Variants in SMG1 observed in about 807,000 individuals in gnomAD.
The protein encoded by SMG1 is SMG1 nonsense mediated mRNA decay associated PI3K related kinase.
SMG1 carries 22 observed loss-of-function variants against 419.9 expected under a neutral mutation model. The ratio of observed to expected loss-of-function variants is 0.05; its 90% confidence interval spans 0.04 to 0.07. The LOEUF (loss-of-function observed/expected upper bound fraction) is 0.07, where lower values mean the gene tolerates loss of function less well. Among genes scored for constraint, SMG1 ranks in the 10% least tolerant of loss-of-function variants. SMG1 has a pLI of 1.00. For missense variants in SMG1, 3,185 were observed against 4,342.0 expected (o/e 0.73, Z 7.49); for synonymous variants, 1,538 against 1,553.5 (o/e 0.99, Z 0.23).
At chr16:18,837,694 A>G (rs2033663640) in intron 45 of SMG1, among the ~76,000 whole-genome samples, 1 of 152,216 alleles carries the variant, frequency 6.6e-6, no homozygotes, top group African/African-American at 2.4e-5. Flanking sequence ...ATCCCTGGCT[A>G]CCAGATAGGG....
At chr16:18,890,688 T>C (rs184276897) in intron 5 of SMG1, among the ~76,000 whole-genome samples, 175 bp downstream of exon 5, 16 of 152,292 alleles carry the variant, frequency 1.1e-4, no homozygotes, top group African/African-American at 3.8e-4. Flanking sequence ...TGGATTCCAT[T>C]TGTATTCAAC....
rs528389663 is a variant in SMG1 at position 18,831,595 on chromosome 16, A to T, written c.8793-1226T>A. Among the ~76,000 whole-genome samples the T allele has an allele frequency of 8.4e-4, 127 of 151,974 alleles. 2 individuals carry two copies. The South Asian group carries it at 0.026, about 31-fold the overall frequency. On this transcript the variant is annotated intron_variant, in intron 51 of 62. Transcript: ENST00000446231. ...TAATCTAATATTTATGCTATTAATG[A>T]TTATACTTTTTCTAGCCGGGCATGG... is the stretch of plus-strand genomic sequence containing the variant.
intron 3 of SMG1, among the ~76,000 whole-genome samples, chr16:18,893,630 A>C (rs996996042): frequency 3.2e-5 from 4 of 125,932 alleles, no homozygotes; most frequent in Admixed American, 2.2e-4. Flanking sequence ...AAAACAAAAC[A>C]AAAAAAAACC....
At chr16:18,857,808 TC>T (rs1279341127) in intron 29 of SMG1, 1 of 164,860 alleles carries the variant, frequency 6.1e-6, no homozygotes, top group East Asian at 1.8e-4. Context: ...AGGATTGTAT[TC>T]CTGATACATG....
chr16:18,910,901 G>A (rs958978536), intron 1 of SMG1, among the ~76,000 whole-genome samples: 28 of 152,018 alleles, frequency 1.8e-4, no homozygotes, highest in African/African-American at 5.1e-4. Flanking sequence ...GCAATTCATC[G>A]TTCAACTGGT....
chr16:18,864,036 C>T lies in SMG1; in HGVS notation c.3459G>A (p.Gly1153=), dbSNP rs1197760104. 18 of 1,550,036 alleles carry T rather than the reference C, an allele frequency of 1.2e-5. No homozygotes were observed. The highest frequency in any genetic ancestry group is 9.6e-5 in the African/African-American group (7 of 73,068). Residue 1153 remains glycine, a synonymous_variant, in exon 24 of 63, where the codon GGG becomes GGA. Transcript: ENST00000446231. ...AATGTTTCGGGCTGGCACTGTTACG[C>T]CCAGCATTGGCTAAGGTGAGCACCG... ...DKSVLTLANA[G]RNSASPKHSL...
At chr16:18,818,203 T>C (rs1280791587) in intron 56 of SMG1, among the ~76,000 whole-genome samples, 1 of 151,934 alleles carries the variant, frequency 6.6e-6, no homozygotes, top group Non-Finnish European at 1.5e-5. Context: ...GCCAACATGG[T>C]GAAACCCCGT....
chr16:18,845,469 T>G lies in SMG1; in HGVS notation c.6179A>C (p.Asn2060Thr). 1.2e-6 allele frequency: 2 copies of G among 1,613,988 alleles called. No individual in the cohort carries two copies. The highest frequency in any genetic ancestry group is 1.7e-6 in the Non-Finnish European group (2 of 1,179,890). Residue 2060 changes from asparagine (N) to threonine (T), a missense_variant, in exon 39 of 63, where the codon AAC (asparagine) becomes ACC (threonine). Asn to Thr is a moderately conservative substitution (Grantham distance 65). Around this residue, in one of 27 missense-constraint regions of SMG1, gnomAD observed 159 missense variants for 196.0 expected, o/e 0.81. Transcript: ENST00000446231. ...CCAGCTGCTCCCAGGCTTTGCAGGG[T>G]TCAATGGAGTCTTCAGTTTTTCTAG... The part of the protein sequence containing the change: ...NALEKLKTPL[N>T]PAKPGSSWIP...
At chr16:18,831,203 CACAG>C in intron 51 of SMG1, among the ~76,000 whole-genome samples, 1 of 152,286 alleles carries the variant, frequency 6.6e-6, no homozygotes, top group Non-Finnish European at 1.5e-5. Context: ...CACACACACA[CACAG>C]AAACCATTCC....
intron 56 of SMG1, 36 bp from the exon 57 acceptor site, chr16:18,817,506 G>C: frequency 6.8e-7 from 1 of 1,480,968 alleles, no homozygotes; most frequent in Non-Finnish European, 9.1e-7. Flanking sequence ...AGAGGAGATG[G>C]GAGGAAGGTG....
rs778314393 is a variant in SMG1, at chr16:18,869,112, G to C, written c.2825C>G (p.Thr942Arg). Residue 942 changes from threonine to arginine, a missense_variant, in exon 20 of 63, where the codon ACA becomes AGA. Around this residue, in one of 27 missense-constraint regions of SMG1, gnomAD observed 70 missense variants for 185.7 expected, o/e 0.38. Coordinates refer to ENST00000446231, the MANE Select transcript of SMG1 (RefSeq NM_015092.5). ...PLGRAQDTFQ[T>R]IEGIIRSLAA... Reference sequence around the variant, plus strand: ...AAGCTTGAGTGAGTTACCTTCAATTGTCTGGAAGGTGTCTTGAGCTCTGCC... The same window carrying C: ...AAGCTTGAGTGAGTTACCTTCAATTCTCTGGAAGGTGTCTTGAGCTCTGCC... The C allele has an allele frequency of 9.9e-6, 16 of 1,609,460 alleles. No individual in the cohort carries two copies. Among genetic ancestry groups the C allele is most frequent in the Non-Finnish European group, 1.3e-5 (15 of 1,177,614 alleles).
At chr16:18,809,842 TAA>T (rs890381964) in intron 62 of SMG1, among the ~76,000 whole-genome samples, 196 bp from the exon 63 acceptor site, 11 of 152,184 alleles carry the variant, frequency 7.2e-5, no homozygotes, top group African/African-American at 2.6e-4. Flanking sequence ...AAGTATACTT[TAA>T]AAAGAGAGCT....
intron 1 of SMG1, among the ~76,000 whole-genome samples, chr16:18,915,772 T>G (rs548286379): frequency 6.6e-6 from 1 of 152,042 alleles, no homozygotes; most frequent in Admixed American, 6.6e-5. Context: ...ATTTACTGAA[T>G]TTAAGACCTA....
intron 46 of SMG1, 102 bp from the exon 47 acceptor site, chr16:18,836,634 T>TCA: frequency 8.0e-7 from 1 of 1,247,816 alleles, no homozygotes; most frequent in Non-Finnish European, 1.1e-6. Flanking sequence ...TCTGGTACGC[T>TCA]CCTTGTTCAC....
chr16:18,808,752 GATC>G lies in SMG1; in HGVS notation c.*814_*816del, dbSNP rs2031088528. ...ATAACCGGAATTACATTTTGTGTGT[GATC>G]ATCAGACCTTTAAACAATCCTTGAA... is the stretch of plus-strand genomic sequence containing the variant. On this transcript the variant is annotated 3_prime_UTR_variant, in exon 63 of 63. Coordinates refer to ENST00000446231, the MANE Select transcript of SMG1 (RefSeq NM_015092.5). 6.6e-6 allele frequency: 1 copy of G among 152,588 alleles called. No individual in the cohort carries two copies. Among genetic ancestry groups the G allele is most frequent in the South Asian group, 2.1e-4 (1 of 4,832 alleles). The allele number at this position is 152,588 out of a possible 1,614,324, so 9.5% of individuals were successfully genotyped here.
chr16:18,838,502 A>G (rs778812989), intron 43 of SMG1, 36 bp from the exon 44 acceptor site: 10 of 1,613,934 alleles, frequency 6.2e-6, no homozygotes, highest in Non-Finnish European at 8.5e-6. Context: ...TTGCCCTTTC[A>G]CCAAAAAACA....
chr16:18,891,676 C>A (rs1296227154), intron 4 of SMG1, among the ~76,000 whole-genome samples: 2 of 152,160 alleles, frequency 1.3e-5, no homozygotes, highest in Non-Finnish European at 2.9e-5. Context: ...TCAGGTGATC[C>A]GCCTGCCTTG....
intron 4 of SMG1, 54 bp downstream of exon 4, chr16:18,892,164 T>A: frequency 8.6e-7 from 1 of 1,164,490 alleles, no homozygotes; most frequent in South Asian, 1.3e-5. Context: ...TAGCATTACC[T>A]AGTTTATTAT....
chr16:18,808,596 C>G lies in SMG1; in HGVS notation c.*973G>C, dbSNP rs979723180. 9.9e-5 allele frequency: 15 copies of G among 152,208 alleles called. No homozygotes were observed. Among genetic ancestry groups the G allele is most frequent in the African/African-American group, 3.6e-4 (15 of 41,344 alleles). The allele number at this position is 152,208 out of a possible 1,614,324, so 9.4% of individuals were successfully genotyped here. A position where few individuals can be genotyped will look rare whatever the true frequency, so the allele number is the denominator to read the frequency against. ...ACAGAAGAGGGAAAATTTGAATGAC[C>G]TCCAAAAAAAATGCACACTATAAGC... On this transcript the variant is annotated 3_prime_UTR_variant, in exon 63 of 63. Transcript: ENST00000446231.
Sources: allele counts gnomAD v4.1 joint callset (sites outside exome capture counted in the v4.1 genomes callset), GRCh38; gene constraint gnomAD v4.1.1; regional missense constraint gnomAD v4.1.1; transcripts MANE v1.5; gene names NCBI Gene and HGNC (gene_info 2026-07-23, HGNC 2026-07-21).